The following NDUFAF3 variants were observed in gnomAD, a reference collection of about 807,000 sequenced individuals.
NDUFAF3 encodes the protein NADH dehydrogenase [ubiquinone] 1 alpha subcomplex assembly factor 3.
A neutral mutation model predicts 22.6 loss-of-function variants in NDUFAF3; 21 were observed. The ratio of observed to expected loss-of-function variants is 0.93; its 90% CI spans 0.66 to 1.34. The LOEUF (loss-of-function observed/expected upper bound fraction) is 1.34. NDUFAF3 is among the 40% of genes most tolerant of loss of function. The pLI is 0.00. For synonymous variants in NDUFAF3, 113 were observed against 104.9 expected, an observed-to-expected ratio of 1.08 and a Z score of -0.47; for missense variants, 251 against 248.4, an observed-to-expected ratio of 1.01 and a Z score of -0.07.
upstream of NDUFAF3, chr3:49,022,043 G>A: frequency 5.5e-6 from 7 of 1,284,186 alleles, no homozygotes; most frequent in Non-Finnish European, 7.6e-6. This position sits in a 1 kb window ranked among gnomAD's most constrained non-coding sequence, Gnocchi z 6.6. Context: ...TGCCCTCCGG[G>A]ACGCAGGGGG....
chr3:49,020,712 G>A (rs2093147729), upstream of NDUFAF3: 2 of 480,854 alleles, frequency 4.2e-6, no homozygotes, highest in South Asian at 1.5e-5. Flanking sequence ...TCCAGCCGTT[G>A]GCGGGGGGCG....
In NDUFAF3 at chr3:49,022,269, C is replaced by A; in HGVS notation, c.77+48C>A. 1.2e-6 allele frequency: 2 copies of A among 1,607,956 alleles called. No individual in the cohort carries two copies. The highest frequency in any genetic ancestry group is 1.7e-6 in the Non-Finnish European group (2 of 1,178,756). ...CGACCATCCAGCCCCCTAGGGCCGG[C>A]GACTGCCAGCCCAGCACCTTCCGGC... is the stretch of plus-strand genomic sequence containing the variant. On this transcript the variant is annotated intron_variant, in intron 1 of 4. Transcript: ENST00000326925. This position sits in a 1 kb window ranked among gnomAD's most constrained non-coding sequence, Gnocchi z 6.6.
upstream of NDUFAF3, chr3:49,021,994 CTG>C (rs1051572176): frequency 4.6e-5 from 37 of 799,192 alleles, no homozygotes; most frequent in African/African-American, 5.1e-4. The surrounding 1 kb of genome is among the most constrained non-coding windows in gnomAD (Gnocchi z 4.1). Flanking sequence ...CCTCCTAAGA[CTG>C]AGGACACTCG....
Position 49,023,110 on chromosome 3 carries a change from G to C in NDUFAF3, c.493G>C (p.Ala165Pro). 11 of 1,614,172 alleles carry C rather than the reference G, an allele frequency of 6.8e-6. No homozygotes were observed. The highest frequency in any genetic ancestry group is 9.3e-6 in the Non-Finnish European group (11 of 1,180,032). Residue 165 changes from alanine (A) to proline (P), a missense_variant, in exon 5 of 5, where the codon GCT becomes CCT. Transcript: ENST00000326925. ...FLCHEGRVTG[A>P]ALIPPPGGTS... ...GTGTCATGAAGGCCGAGTAACTGGA[G>C]CTGCTCTCATCCCTCCACCAGGAGG... is the stretch of plus-strand genomic sequence containing the variant.
chr3:49,023,234 C>G lies in NDUFAF3; in HGVS notation c.*62C>G. The G allele has an allele frequency of 8.1e-7, 1 of 1,227,618 alleles. No individual in the cohort carries two copies. The allele number at this position is 1,227,618 out of a possible 1,614,324, so 76.0% of individuals were successfully genotyped here. A position where few individuals can be genotyped will look rare whatever the true frequency, so the allele number is the denominator to read the frequency against. On this transcript the variant is annotated 3_prime_UTR_variant, in exon 5 of 5. Coordinates refer to ENST00000326925, the MANE Select transcript of NDUFAF3 (RefSeq NM_199069.2). ...GGCTTCCCAATGCTTTCACTCTTAT[C>G]TACCCTTTGGCACTTATCTTGCTTA...
upstream of NDUFAF3, chr3:49,020,484 C>T (rs1171605580): frequency 5.5e-5 from 21 of 383,216 alleles, no homozygotes; most frequent in Non-Finnish European, 1.1e-5. Context: ...GAGATGGCCA[C>T]CAGCCTCGGC....
rs2093179982 is a variant in NDUFAF3, at chr3:49,023,246, A to G, written c.*74A>G. On this transcript the variant is annotated 3_prime_UTR_variant, in exon 5 of 5. Coordinates refer to ENST00000326925, the MANE Select transcript of NDUFAF3 (RefSeq NM_199069.2). The stretch of plus-strand genomic sequence containing the variant: ...CTTTCACTCTTATCTACCCTTTGGC[A>G]CTTATCTTGCTTATCAACATAATAA... 1.8e-6 allele frequency: 2 copies of G among 1,113,340 alleles called. No homozygotes were observed. The highest frequency in any genetic ancestry group is 1.4e-6 in the Non-Finnish European group (1 of 724,884). The allele number at this position is 1,113,340 out of a possible 1,614,324, so 69.0% of individuals were successfully genotyped here.
rs1433533221 is a variant in NDUFAF3, at chr3:49,022,841, A to G, written c.338-35A>G. The G allele has an allele frequency of 3.1e-6, 5 of 1,613,362 alleles. No homozygotes were observed. The highest frequency in any genetic ancestry group is 3.4e-6 in the Non-Finnish European group (4 of 1,179,780). On this transcript the variant is annotated intron_variant, in intron 3 of 4. Transcript: ENST00000326925. The surrounding 1 kb of genome is among the most constrained non-coding windows in gnomAD (Gnocchi z 6.6). ...GCGACCCCCACTGCAGCCTCTCAACAGAACTGTAGACTAGCCACACCCACC... is the reference window on the plus strand; with the variant it reads ...GCGACCCCCACTGCAGCCTCTCAACGGAACTGTAGACTAGCCACACCCACC...
Position 49,023,071 on chromosome 3 carries a change from A to T in NDUFAF3, c.454A>T (p.Thr152Ser), listed in dbSNP as rs1254339529. The T allele has an allele frequency of 6.2e-7, 1 of 1,614,146 alleles. No homozygotes were observed. Among genetic ancestry groups the T allele is most frequent in the East Asian group, 2.2e-5 (1 of 44,880 alleles). The change falls in exon 5 of 5, where the codon ACC (threonine) becomes TCC (serine). Residue 152 changes from threonine (T) to serine (S), a missense_variant. Transcript: ENST00000326925. ...EVQDTPNACA[T>S]FNFLCHEGRV... is the part of the protein sequence containing the mutation. ...TTCTTTGCAGCCCAATGCCTGTGCC[A>T]CCTTCAACTTCCTGTGTCATGAAGG...
upstream of NDUFAF3, chr3:49,021,751 C>G (rs2093159510): frequency 3.4e-6 from 1 of 292,740 alleles, no homozygotes; most frequent in Non-Finnish European, 6.5e-6. The surrounding 1 kb of genome is among the most constrained non-coding windows in gnomAD (Gnocchi z 4.1). Context: ...AGTCTGGCAC[C>G]CACCGCCTGG....
In NDUFAF3 at chr3:49,022,514, C is replaced by T; in HGVS notation, c.246C>T (p.Leu82=). 6.2e-7 allele frequency: 1 copy of T among 1,613,244 alleles called. No individual in the cohort carries two copies. Among genetic ancestry groups the T allele is most frequent in the South Asian group, 1.1e-5 (1 of 91,076 alleles). Residue 82 remains leucine (L), a synonymous_variant, in exon 2 of 5, where the codon CTC becomes CTT. Transcript: ENST00000326925. This position sits in a 1 kb window ranked among gnomAD's most constrained non-coding sequence, Gnocchi z 6.6. ...GNRVLGPCAL[L]PHSVVQWNVG... ...GCGTGCTCGGCCCCTGCGCTCTGCT[C>T]CCGCACTCGGTGGTGCAGTGGAACG...
chr3:49,022,988 G>A lies in NDUFAF3; in HGVS notation c.438+12G>A. 2.5e-6 allele frequency: 4 copies of A among 1,614,136 alleles called. No homozygotes were observed. The South Asian group carries it at 3.3e-5, about 13-fold the overall frequency. ...AAGTGCAGGACACGGTGAGTCCCGG[G>A]ACTGGGGCATGCTGCGGGGAGCACA... On this transcript the variant is annotated intron_variant, in intron 4 of 4. Coordinates refer to ENST00000326925, the MANE Select transcript of NDUFAF3 (RefSeq NM_199069.2). This position sits in a 1 kb window ranked among gnomAD's most constrained non-coding sequence, Gnocchi z 6.6.
At chr3:49,021,813 G>A, upstream of NDUFAF3, 1 of 398,960 alleles carries the variant, frequency 2.5e-6, no homozygotes, top group Non-Finnish European at 4.5e-6. This position sits in a 1 kb window ranked among gnomAD's most constrained non-coding sequence, Gnocchi z 4.1. Flanking sequence ...CCGGGAGCGC[G>A]GCTTAATAGC....
Position 49,023,040 on chromosome 3 carries a change from G to C in NDUFAF3, c.439-16G>C. 6.2e-7 allele frequency: 1 copy of C among 1,613,994 alleles called. No homozygotes were observed. The highest frequency in any genetic ancestry group is 8.5e-7 in the Non-Finnish European group (1 of 1,179,876). On this transcript the variant is annotated splice_polypyrimidine_tract_variant and intron_variant, in intron 4 of 4. Coordinates refer to ENST00000326925, the MANE Select transcript of NDUFAF3 (RefSeq NM_199069.2). ...GCCTGGCGCTAGACAGGCTGATGCT[G>C]GCCTTTTCTTTGCAGCCCAATGCCT...
In NDUFAF3 at chr3:49,022,386, G is replaced by A; in HGVS notation, c.118G>A (p.Glu40Lys). The change falls in exon 2 of 5, where the codon GAG becomes AAG. Residue 40 changes from glutamate (E) to lysine (K), a missense_variant. Physicochemically the swap from Glu to Lys is moderately conservative, Grantham distance 56. Coordinates refer to ENST00000326925, the MANE Select transcript of NDUFAF3 (RefSeq NM_199069.2). The surrounding 1 kb of genome is among the most constrained non-coding windows in gnomAD (Gnocchi z 6.6). Reference sequence around the variant, plus strand: ...GCATCGGCTCTCGCCGGCGGATGACGAGCTGTATCAGCGGACGCGCATCTC... The same window carrying A: ...GCATCGGCTCTCGCCGGCGGATGACAAGCTGTATCAGCGGACGCGCATCTC... ...RGHRLSPADD[E>K]LYQRTRISLL... 6.2e-7 allele frequency: 1 copy of A among 1,612,748 alleles called. No individual in the cohort carries two copies. Among genetic ancestry groups the A allele is most frequent in the Non-Finnish European group, 8.5e-7 (1 of 1,180,024 alleles).
chr3:49,023,042 C>G lies in NDUFAF3; in HGVS notation c.439-14C>G. 6.2e-7 allele frequency: 1 copy of G among 1,613,950 alleles called. No individual in the cohort carries two copies. The highest frequency in any genetic ancestry group is 1.1e-5 in the South Asian group (1 of 91,080). On this transcript the variant is annotated splice_polypyrimidine_tract_variant and intron_variant, in intron 4 of 4. Transcript: ENST00000326925. ...CTGGCGCTAGACAGGCTGATGCTGG[C>G]CTTTTCTTTGCAGCCCAATGCCTGT... is the stretch of plus-strand genomic sequence containing the variant.
rs748947154 is a variant in NDUFAF3, at chr3:49,022,197, G to A, written c.53G>A (p.Arg18His). ...TTGTACCGAGCGCGACCCTCGCTGC[G>A]CTGTCCGCCCGTTGAGCTTCCCTGG... is the stretch of plus-strand genomic sequence containing the variant. Reference protein sequence around the residue: ...RSLYRARPSLRCPPVELPWAP... With the variant: ...RSLYRARPSLHCPPVELPWAP... The change falls in exon 1 of 5, where the codon CGC (arginine) becomes CAC (histidine). Residue 18 changes from arginine to histidine, a missense_variant. Coordinates refer to ENST00000326925, the MANE Select transcript of NDUFAF3 (RefSeq NM_199069.2). This position sits in a 1 kb window ranked among gnomAD's most constrained non-coding sequence, Gnocchi z 6.6. 1.9e-6 allele frequency: 3 copies of A among 1,610,732 alleles called. No individual in the cohort carries two copies. The highest frequency in any genetic ancestry group is 1.7e-5 in the Admixed American group (1 of 60,004).
rs1436634472 is a variant in NDUFAF3 at position 49,023,082 on chromosome 3, C to T, written c.465C>T (p.Phe155=). Residue 155 remains phenylalanine, a synonymous_variant, in exon 5 of 5, where the codon TTC becomes TTT. Transcript: ENST00000326925. ...DTPNACATFN[F]LCHEGRVTGA... ...CCAATGCCTGTGCCACCTTCAACTTCCTGTGTCATGAAGGCCGAGTAACTG... is the reference window on the plus strand; with the variant it reads ...CCAATGCCTGTGCCACCTTCAACTTTCTGTGTCATGAAGGCCGAGTAACTG... 3 of 1,614,062 alleles carry T rather than the reference C, an allele frequency of 1.9e-6. No individual in the cohort carries two copies. In the African/African-American group the frequency reaches 4.0e-5, roughly 22 times the overall value.
In NDUFAF3 at chr3:49,022,149, C is replaced by T. The variant is rs776803585; in HGVS notation, c.5C>T (p.Ala2Val). The change falls in exon 1 of 5, where the codon GCC becomes GTC. Residue 2 changes from alanine to valine, a missense_variant. Coordinates refer to ENST00000326925, the MANE Select transcript of NDUFAF3 (RefSeq NM_199069.2). This position sits in a 1 kb window ranked among gnomAD's most constrained non-coding sequence, Gnocchi z 6.6. M[A>V]TALALRSLYR... ...TTCGCCGCGCGTTGGTCAGCCATGG[C>T]CACCGCTCTCGCGCTACGTAGCTTG... is the stretch of plus-strand genomic sequence containing the variant. 11 of 1,608,730 alleles carry T rather than the reference C, an allele frequency of 6.8e-6. No individual in the cohort carries two copies. The South Asian group carries it at 7.7e-5, about 11-fold the overall frequency.
Sources: gnomAD v4.1 joint callset for allele counts on GRCh38, gnomAD v4.1.1 for gene constraint, Gnocchi (gnomAD v3.1) non-coding constraint, MANE v1.5 for transcripts, NCBI Gene and HGNC (gene_info 2026-07-23, HGNC 2026-07-21) for gene names.